The following TET1 variants were observed in gnomAD, a reference collection of about 807,000 sequenced individuals.
TET1 encodes the protein methylcytosine dioxygenase TET1.
A neutral mutation model predicts 148.7 loss-of-function variants in TET1; 13 were observed. The observed-to-expected ratio is 0.09, with a 90% CI of 0.06 to 0.14. The LOEUF is 0.14. Ranked by LOEUF, TET1 falls within the 10% of genes least tolerant of loss-of-function variation. TET1 has a pLI of 1.00. For missense variants in TET1, 2,182 were observed against 2,553.8 expected (o/e 0.85, Z 3.14); for synonymous variants, 907 against 937.2 (o/e 0.97, Z 0.59).
rs371044383 is a variant in TET1, at chr10:68,637,082, T to G, written c.1969-7616T>G. Reference sequence around the variant, plus strand: ...GGTGCAATTTCGGCTCACTGCAACCTCCGCCTTCCGGGTTCAAGTGATTCT... The same window carrying G: ...GGTGCAATTTCGGCTCACTGCAACCGCCGCCTTCCGGGTTCAAGTGATTCT... On this transcript the variant is annotated intron_variant, in intron 3 of 11. Transcript: ENST00000373644. 1.4e-4 allele frequency among the ~76,000 whole-genome samples: 21 copies of G among 151,694 alleles called. 1 individual carries two copies. Among genetic ancestry groups the G allele is most frequent in the Middle Eastern group, 3.4e-3 (1 of 294 alleles).
Position 68,646,864 on chromosome 10 carries a change from A to G in TET1, c.4135A>G (p.Ser1379Gly), listed in dbSNP as rs201386456. Residue 1379 changes from serine to glycine, a missense_variant, in exon 4 of 12, where the codon AGT becomes GGT. By Grantham distance (56) the Ser-to-Gly change is moderately conservative. Transcript: ENST00000373644. ...AAGTGAAGAGGAAGTCTGTTCATCC[A>G]GTTTTGGAACATCAGAATTTTCCAC... ...TKSEEEVCSS[S>G]FGTSEFSTVD... 48 of 1,614,100 alleles carry G rather than the reference A, an allele frequency of 3.0e-5. No homozygotes were observed. The highest frequency in any genetic ancestry group is 1.8e-4 in the Admixed American group (11 of 60,002).
intron 3 of TET1, among the ~76,000 whole-genome samples, chr10:68,622,108 C>T (rs1285212072): frequency 6.6e-5 from 10 of 152,028 alleles, no homozygotes; most frequent in South Asian, 2.1e-4. Flanking sequence ...CAAATTTGGC[C>T]AATATTCCCA....
At chr10:68,568,674 A>G (rs1379404844) in intron 1 of TET1, among the ~76,000 whole-genome samples, 3 of 152,158 alleles carry the variant, frequency 2.0e-5, no homozygotes, top group Non-Finnish European at 4.4e-5. Context: ...TCAAGTGGTG[A>G]GACTCCATCT....
At chr10:68,642,390 T>A (rs2054770917) in intron 3 of TET1, among the ~76,000 whole-genome samples, 1 of 151,942 alleles carries the variant, frequency 6.6e-6, no homozygotes, top group Non-Finnish European at 1.5e-5. Flanking sequence ...GCCGTTATCG[T>A]GCCACTGCAC....
intron 3 of TET1, 79 bp downstream of exon 3, chr10:68,601,113 A>G (rs977245105): frequency 1.6e-6 from 2 of 1,249,704 alleles, no homozygotes; most frequent in Non-Finnish European, 2.3e-6. Context: ...GTATATTTGG[A>G]GTACAGTATA....
chr10:68,691,927 G>A lies in TET1; in HGVS notation c.*113G>A, dbSNP rs1317340179. 7.0e-6 allele frequency: 9 copies of A among 1,282,648 alleles called. No individual in the cohort carries two copies. Among genetic ancestry groups the A allele is most frequent in the Non-Finnish European group, 9.5e-6 (9 of 944,378 alleles). The allele number at this position is 1,282,648 out of a possible 1,614,324, so 79.5% of individuals were successfully genotyped here. On this transcript the variant is annotated 3_prime_UTR_variant, in exon 12 of 12. Transcript: ENST00000373644. This position sits in a 1 kb window ranked among gnomAD's most constrained non-coding sequence, Gnocchi z 4.4. ...TCTTCATCTCACCCATTTCAAGTCTGAGGTAAAAAAATAATAATGATAACA... is the reference window on the plus strand; with the variant it reads ...TCTTCATCTCACCCATTTCAAGTCTAAGGTAAAAAAATAATAATGATAACA...
chr10:68,691,074 G>A lies in TET1; in HGVS notation c.5671G>A (p.Ala1891Thr), dbSNP rs775369384. 1.9e-6 allele frequency: 3 copies of A among 1,614,208 alleles called. No individual in the cohort carries two copies. Among genetic ancestry groups the A allele is most frequent in the Non-Finnish European group, 2.5e-6 (3 of 1,180,042 alleles). ...CTMPSGRLSG[A>T]NAAAADGPGI... ...GATGCCTTCGGGAAGACTCAGTGGTGCCAATGCAGCTGCTGCTGATGGCCC... is the reference window on the plus strand; with the variant it reads ...GATGCCTTCGGGAAGACTCAGTGGTACCAATGCAGCTGCTGCTGATGGCCC... Residue 1891 changes from alanine (A) to threonine (T), a missense_variant, in exon 12 of 12, where the codon GCC (alanine) becomes ACC (threonine). Ala to Thr is a moderately conservative substitution (Grantham distance 58). Transcript: ENST00000373644. The surrounding 1 kb of genome is among the most constrained non-coding windows in gnomAD (Gnocchi z 4.4).
rs77633304 is a variant in TET1, at chr10:68,623,820, C to T, written c.1969-20878C>T. On this transcript the variant is annotated intron_variant, in intron 3 of 11. Transcript: ENST00000373644. ...ATACTGATGCCTAAGTAGCTCAAAG[C>T]GACTTTTCCTTGGCATGTACAAAGA... is the stretch of plus-strand genomic sequence containing the variant. 5.5e-3 allele frequency among the ~76,000 whole-genome samples: 831 copies of T among 152,262 alleles called. 11 individuals are homozygous for T. Among genetic ancestry groups the T allele is most frequent in the African/African-American group, 0.019 (794 of 41,544 alleles).
chr10:68,686,964 T>C (rs1045660690), intron 11 of TET1, among the ~76,000 whole-genome samples: 1 of 151,768 alleles, frequency 6.6e-6, no homozygotes, highest in African/African-American at 2.4e-5. Context: ...CTTGGCTCAC[T>C]GCAAGCTCTG....
At chr10:68,628,972 A>G (rs2054528591) in intron 3 of TET1, among the ~76,000 whole-genome samples, 1 of 152,244 alleles carries the variant, frequency 6.6e-6, no homozygotes, top group Non-Finnish European at 1.5e-5. Flanking sequence ...TTTCATTTCA[A>G]TCAATTTAAA....
At chr10:68,633,557 T>C (rs1458461713) in intron 3 of TET1, among the ~76,000 whole-genome samples, 3 of 152,032 alleles carry the variant, frequency 2.0e-5, no homozygotes. Flanking sequence ...AATTTTTGTA[T>C]TAGGTTAGTG....
At chr10:68,578,673 C>T (rs1373733580) in intron 2 of TET1, among the ~76,000 whole-genome samples, 1 of 151,526 alleles carries the variant, frequency 6.6e-6, no homozygotes, top group East Asian at 1.9e-4. Flanking sequence ...ACAAAGCCAC[C>T]CATTCAGACA....
At chr10:68,576,074 G>A (rs2053727541) in intron 2 of TET1, among the ~76,000 whole-genome samples, 1 of 151,480 alleles carries the variant, frequency 6.6e-6, no homozygotes, top group African/African-American at 2.4e-5. Context: ...AGTGTTGTGA[G>A]GCTGGTCATG....
chr10:68,672,510 A>AAAAAAAAC (rs1564504100), intron 7 of TET1, among the ~76,000 whole-genome samples: 13 of 144,560 alleles, frequency 9.0e-5, no homozygotes, highest in African/African-American at 3.4e-4. Flanking sequence ...AAAAAAAAAA[A>AAAAAAAAC]ACACCAAAAA....
chr10:68,591,441 C>T (rs539686534), intron 2 of TET1, among the ~76,000 whole-genome samples: 42 of 152,296 alleles, frequency 2.8e-4, no homozygotes, highest in Non-Finnish European at 5.1e-4. Context: ...CCCCTACTTC[C>T]AACATCAGAA....
At chr10:68,669,446 G>T (rs1222329072) in intron 7 of TET1, among the ~76,000 whole-genome samples, 1 of 142,976 alleles carries the variant, frequency 7.0e-6, no homozygotes, top group South Asian at 2.3e-4. Context: ...AAGTAGCTGG[G>T]ACTACAGGCG....
intron 10 of TET1, among the ~76,000 whole-genome samples, chr10:68,684,563 G>A (rs1386093245): frequency 1.3e-5 from 2 of 152,036 alleles, no homozygotes; most frequent in Non-Finnish European, 2.9e-5. Context: ...TGATCAGGCT[G>A]AAGTCAGTTC....
At chr10:68,596,592 G>T (rs1364134761) in intron 2 of TET1, among the ~76,000 whole-genome samples, 1 of 152,106 alleles carries the variant, frequency 6.6e-6, no homozygotes, top group African/African-American at 2.4e-5. Context: ...CCTGGCCTCT[G>T]CTCAGAATTT....
intron 7 of TET1, among the ~76,000 whole-genome samples, chr10:68,669,392 ACT>A (rs1422683889): frequency 6.8e-6 from 1 of 147,148 alleles, no homozygotes; most frequent in African/African-American, 2.5e-5. Flanking sequence ...CTCACTGCAA[ACT>A]CTGCATCCCA....
Sources: gnomAD v4.1 joint callset for allele counts (sites outside exome capture counted in the v4.1 genomes callset) on GRCh38, gnomAD v4.1.1 for gene constraint, Gnocchi (gnomAD v3.1) non-coding constraint, MANE v1.5 for transcripts, NCBI Gene and HGNC (gene_info 2026-07-23, HGNC 2026-07-21) for gene names.